STK32B: variants seen among roughly 807,000 people sequenced by gnomAD.
The protein encoded by STK32B is serine/threonine kinase 32B.
A neutral mutation model predicts 52.6 loss-of-function variants in STK32B; 43 were observed. That is an observed-to-expected ratio of 0.82 (90% confidence interval 0.64 to 1.05). The LOEUF is 1.05. Ranked by LOEUF, STK32B falls within the 50% of genes least tolerant of loss-of-function variation. The pLI, the probability that STK32B is intolerant of heterozygous loss-of-function variation, is 0.00. For missense variants in STK32B, 621 were observed against 534.6 expected (o/e 1.16, Z -1.59); for synonymous variants, 238 against 204.3 (o/e 1.17, Z -1.41).
At chr4:5,300,273 AAC>A (rs534415299) in intron 3 of STK32B, among the ~76,000 whole-genome samples, 210 of 152,310 alleles carry the variant, frequency 1.4e-3, no homozygotes, top group African/African-American at 4.7e-3. Flanking sequence ...CCATTGAAAG[AAC>A]ACACCTCAAA....
At chr4:5,048,480 A>G (rs572296434), upstream of STK32B, among the ~76,000 whole-genome samples, 1 of 152,258 alleles carries the variant, frequency 6.6e-6, no homozygotes, top group East Asian at 1.9e-4. Flanking sequence ...TATTTTTAGT[A>G]GAGATGGGGT....
intron 3 of STK32B, among the ~76,000 whole-genome samples, chr4:5,229,677 A>C (rs1172318559): frequency 6.6e-6 from 1 of 152,218 alleles, no homozygotes; most frequent in African/African-American, 2.4e-5. Context: ...TTTTAAAGTA[A>C]AATGTATTAA....
chr4:5,327,026 C>G (rs1731923950), intron 3 of STK32B, among the ~76,000 whole-genome samples: 1 of 152,150 alleles, frequency 6.6e-6, no homozygotes, highest in African/African-American at 2.4e-5. Flanking sequence ...TCATCAGGAG[C>G]AGATTCCATC....
chr4:5,500,521 G>T lies in STK32B; in HGVS notation c.*1438G>T, dbSNP rs941762716. On this transcript the variant is annotated 3_prime_UTR_variant, in exon 12 of 12. Transcript: ENST00000282908. Reference sequence around the variant, plus strand: ...TGATATTTGTTTGTTACATCCTGCTGAAGTTCGACTGTGTTTTTATTTTTT... The same window carrying T: ...TGATATTTGTTTGTTACATCCTGCTTAAGTTCGACTGTGTTTTTATTTTTT... The T allele has an allele frequency of 6.6e-6, 1 of 152,138 alleles. No homozygotes were observed. Among genetic ancestry groups the T allele is most frequent in the African/African-American group, 2.4e-5 (1 of 41,446 alleles). 9.4% of individuals were successfully genotyped at this position (152,138 alleles called of 1,614,324 possible).
At chr4:5,241,404 A>G (rs1033954283) in intron 3 of STK32B, among the ~76,000 whole-genome samples, 1 of 152,140 alleles carries the variant, frequency 6.6e-6, no homozygotes, top group Admixed American at 6.6e-5. Context: ...TCCCTAAAAA[A>G]GGTATTTGTT....
At chr4:5,230,953 G>A (rs1310680489) in intron 3 of STK32B, among the ~76,000 whole-genome samples, 1 of 152,220 alleles carries the variant, frequency 6.6e-6, no homozygotes, top group African/African-American at 2.4e-5. Flanking sequence ...AGACAATTTA[G>A]AGTCTATGGA....
chr4:5,344,139 C>A (rs1285840065), intron 4 of STK32B, among the ~76,000 whole-genome samples: 3 of 152,158 alleles, frequency 2.0e-5, no homozygotes, highest in South Asian at 2.1e-4. Flanking sequence ...GTAATTCCTT[C>A]CTTTCTCTGG....
intron 4 of STK32B, among the ~76,000 whole-genome samples, chr4:5,373,407 G>T (rs942413995): frequency 6.6e-6 from 1 of 152,178 alleles, no homozygotes; most frequent in African/African-American, 2.4e-5. Context: ...GTTTCAGTTT[G>T]AGTCCGAAGG....
chr4:5,122,243 C>T (rs1270377422), intron 1 of STK32B, among the ~76,000 whole-genome samples: 1 of 152,068 alleles, frequency 6.6e-6, no homozygotes, highest in Non-Finnish European at 1.5e-5. Context: ...CATTCACTCA[C>T]ATTTACTCAT....
chr4:5,448,693 T>A (rs1715699213), intron 7 of STK32B, among the ~76,000 whole-genome samples: 1 of 152,184 alleles, frequency 6.6e-6, no homozygotes. Flanking sequence ...GGATGGTGCT[T>A]CTTGGAAGAG....
At chr4:5,154,377 G>T (rs749494550) in intron 2 of STK32B, among the ~76,000 whole-genome samples, 3 of 151,994 alleles carry the variant, frequency 2.0e-5, no homozygotes, top group Non-Finnish European at 2.9e-5. Context: ...CACCAGGCCC[G>T]GTTAATTTTG....
rs148369825 is a variant in STK32B at position 5,460,336 on chromosome 4, C to T, written c.909+108C>T. The T allele has an allele frequency of 1.2e-3, 1,799 of 1,475,446 alleles. 18 individuals carry two copies. In the African/African-American group the frequency reaches 0.023, roughly 19 times the overall value. 91.4% of individuals were successfully genotyped at this position (1,475,446 alleles called of 1,614,324 possible). ...TAGTGAGCCCTCTGCTGGCCACTTC[C>T]ACCTGAGCACCAAGGGCTTATGTCT... On this transcript the variant is annotated intron_variant, in intron 9 of 11. Coordinates refer to ENST00000282908, the MANE Select transcript of STK32B (RefSeq NM_018401.3). This position sits in a 1 kb window ranked among gnomAD's most constrained non-coding sequence, Gnocchi z 4.8.
intron 3 of STK32B, among the ~76,000 whole-genome samples, chr4:5,298,110 G>A (rs28885780): frequency 0.011 from 1,725 of 152,240 alleles, 22 homozygotes; most frequent in South Asian, 0.057. Flanking sequence ...TATCACCAGC[G>A]GAGCCTGCAG....
chr4:5,060,831 A>G (rs1426592606), intron 1 of STK32B, among the ~76,000 whole-genome samples: 1 of 152,114 alleles, frequency 6.6e-6, no homozygotes, highest in African/African-American at 2.4e-5. Flanking sequence ...TGAAGATATG[A>G]TTTATTGTCT....
At chr4:5,034,779 A>C in the STK32B span, among the ~76,000 whole-genome samples, 3 of 152,272 alleles carry the variant, frequency 2.0e-5, no homozygotes, top group South Asian at 6.2e-4. Context: ...CTGGAGGGGC[A>C]TCCTGGATTC....
chr4:5,195,616 C>T (rs1233494174), intron 3 of STK32B, among the ~76,000 whole-genome samples: 1 of 152,124 alleles, frequency 6.6e-6, no homozygotes, highest in Non-Finnish European at 1.5e-5. Context: ...TCGCTTGAAC[C>T]TGGGAGACGG....
chr4:5,176,376 C>T (rs1040424787), intron 3 of STK32B, among the ~76,000 whole-genome samples: 30 of 151,684 alleles, frequency 2.0e-4, no homozygotes, highest in Middle Eastern at 3.2e-3. Flanking sequence ...CAGAAATCAC[C>T]GGTCTTCTGC....
intron 7 of STK32B, among the ~76,000 whole-genome samples, chr4:5,454,907 A>C (rs1015509572): frequency 6.6e-6 from 1 of 152,200 alleles, no homozygotes; most frequent in Non-Finnish European, 1.5e-5. Flanking sequence ...TAACTTTCCC[A>C]TTAGATTAAA....
chr4:5,283,208 A>T (rs1267929427), intron 3 of STK32B, among the ~76,000 whole-genome samples: 1 of 152,018 alleles, frequency 6.6e-6, no homozygotes, highest in Non-Finnish European at 1.5e-5. Flanking sequence ...GCTGAGCATA[A>T]TGTGCTCCAG....
Sources: gnomAD v4.1 joint callset for allele counts (sites outside exome capture counted in the v4.1 genomes callset) on GRCh38, gnomAD v4.1.1 for gene constraint, Gnocchi (gnomAD v3.1) non-coding constraint, MANE v1.5 for transcripts, NCBI Gene and HGNC (gene_info 2026-07-23, HGNC 2026-07-21) for gene names.